PHF8: variants seen among roughly 807,000 people sequenced by gnomAD.
PHF8 encodes PHD finger protein 8, also known as histone lysine demethylase PHF8.
A neutral mutation model predicts 74.4 loss-of-function variants in PHF8; 9 were observed. That is an observed-to-expected ratio of 0.12 (90% CI 0.07 to 0.21). The LOEUF (loss-of-function observed/expected upper bound fraction) is 0.21, where lower values mean the gene tolerates loss of function less well. Among genes scored for constraint, PHF8 ranks in the 10% least tolerant of loss-of-function variants. PHF8 has a pLI of 1.00. For missense variants in PHF8, 478 were observed against 816.6 expected (o/e 0.59, Z 5.05); for synonymous variants, 311 against 316.6 (o/e 0.98, Z 0.19).
At chrX:53,974,790 C>T (rs1400068703) in intron 18 of PHF8, among the ~76,000 whole-genome samples, 5 of 112,010 alleles carry the variant, frequency 4.5e-5, no homozygotes, top group African/African-American at 1.6e-4. Context: ...CTGTTATTCT[C>T]AGCAAACTAA....
intron 21 of PHF8, among the ~76,000 whole-genome samples, chrX:53,939,560 T>C (rs782544031): frequency 9.0e-6 from 1 of 111,456 alleles, no homozygotes; most frequent in Non-Finnish European, 1.9e-5. Context: ...TGTACTTCCA[T>C]ACCCTCTTAT....
chrX:54,040,455 CAG>C (rs1200500853), intron 2 of PHF8, among the ~76,000 whole-genome samples: 3 of 112,029 alleles, frequency 2.7e-5, no homozygotes, highest in African/African-American at 9.7e-5. Context: ...ACGAATGACA[CAG>C]ATATATTTAT....
chrX:53,964,328 C>A (rs781966402), intron 18 of PHF8, among the ~76,000 whole-genome samples: 2 of 110,236 alleles, frequency 1.8e-5, no homozygotes, highest in Non-Finnish European at 3.8e-5. Flanking sequence ...CACATGTATA[C>A]CTATGTAACA....
At chrX:53,955,557 CTTTTT>C (rs369969712) in intron 19 of PHF8, among the ~76,000 whole-genome samples, 12 of 72,994 alleles carry the variant, frequency 1.6e-4, no homozygotes, top group Non-Finnish European at 2.7e-4. Context: ...CTCTTCTTTT[CTTTTT>C]TTTTTTTTTT....
At chrX:53,993,045 T>C (rs2065691975) in intron 13 of PHF8, 1 of 426,976 alleles carries the variant, frequency 2.3e-6, no homozygotes, top group Non-Finnish European at 4.1e-6. Context: ...CCTGTCAATC[T>C]TGTGAACCAT....
At chrX:53,996,426 T>C (rs2065749541) in intron 11 of PHF8, among the ~76,000 whole-genome samples, 1 of 109,116 alleles carries the variant, frequency 9.2e-6, no homozygotes, top group Non-Finnish European at 1.9e-5. Flanking sequence ...TGATATTTTT[T>C]GTAATTTTTT....
At chrX:53,998,452 T>C (rs2065781349) in intron 11 of PHF8, among the ~76,000 whole-genome samples, 1 of 109,723 alleles carries the variant, frequency 9.1e-6, no homozygotes, top group Admixed American at 9.8e-5. Flanking sequence ...AGGTTCTGTC[T>C]CATAAATAAA....
At chrX:53,993,932 T>C (rs889718047) in intron 12 of PHF8, 29 bp from the exon 13 acceptor site, 1 of 1,079,845 alleles carries the variant, frequency 9.3e-7, no homozygotes. Flanking sequence ...ATGAGGGGGT[T>C]AGAGCTTACT....
At chrX:53,996,277 C>T (rs943649032) in intron 11 of PHF8, among the ~76,000 whole-genome samples, 8 of 110,271 alleles carry the variant, frequency 7.3e-5, no homozygotes, top group African/African-American at 2.6e-4. Context: ...CTACGCCCAG[C>T]TAATTTTTTG....
rs782729002 is a variant in PHF8 at position 53,944,221 on chromosome X, C to T, written c.2562G>A (p.Pro854=). 22 of 1,208,617 alleles carry T rather than the reference C, an allele frequency of 1.8e-5. No individual in the cohort carries two copies. Among genetic ancestry groups the T allele is most frequent in the Admixed American group, 2.2e-5 (1 of 46,030 alleles). The change falls in exon 20 of 22, where the codon CCG becomes CCA. Residue 854 remains proline, a synonymous_variant. Transcript: ENST00000338154. ...CCTCACGCACAGGACGGTCCTGCTT[C>T]GGCAGAGTTGGGGTCACGCGGGCTG... is the stretch of plus-strand genomic sequence containing the variant. ...SPKARVTPTL[P]KQDRPVREGT...
At chrX:53,951,694 C>T (rs143514075) in intron 19 of PHF8, among the ~76,000 whole-genome samples, 288 of 109,928 alleles carry the variant, frequency 2.6e-3, no homozygotes, top group African/African-American at 8.8e-3. Context: ...CCTCGTGATC[C>T]GCCCGCCTCG....
At chrX:54,038,505 G>A (rs782665233) in intron 2 of PHF8, among the ~76,000 whole-genome samples, 204 of 111,821 alleles carry the variant, frequency 1.8e-3, no homozygotes, top group African/African-American at 6.2e-3. Context: ...TGTAGCTAGG[G>A]CATCCCTAAC....
Position 54,017,819 on chromosome X carries a change from G to A in PHF8, c.296C>T (p.Ser99Leu). Reference protein sequence around the residue: ...RELRSRTFDSSDEVILKPTGN... With the variant: ...RELRSRTFDSLDEVILKPTGN... Reference sequence around the variant, plus strand: ...AGTGGGCTTCAGAATCACTTCATCTGAGCTGTGGGCCGCAGGAGAGAAAGC... The same window carrying A: ...AGTGGGCTTCAGAATCACTTCATCTAAGCTGTGGGCCGCAGGAGAGAAAGC... The change falls in exon 5 of 22, where the codon TCA (serine) becomes TTA (leucine). Residue 99 changes from serine (S) to leucine (L), a missense_variant and splice_region_variant. Physicochemically the swap from Ser to Leu is moderately radical, Grantham distance 145. Transcript: ENST00000338154. 1 of 1,210,337 alleles carries A rather than the reference G, an allele frequency of 8.3e-7. No individual in the cohort carries two copies.
At position 54,009,922 on chromosome X, in the gene PHF8, G is replaced by A. The variant is rs187034279; in HGVS notation, c.946+1200C>T. On this transcript the variant is annotated intron_variant, in intron 8 of 21. Coordinates refer to ENST00000338154, the MANE Select transcript of PHF8 (RefSeq NM_015107.3). ...GATCAATAAAATTGACCAACCTATA[G>A]AAAATTGACACAAACAAAAGAGAAA... 7.4e-3 allele frequency among the ~76,000 whole-genome samples: 537 copies of A among 72,636 alleles called. 3 individuals are homozygous for A. Among genetic ancestry groups the A allele is most frequent in the African/African-American group, 0.025 (522 of 21,259 alleles). The allele number at this position is 72,636 out of a possible 115,157, so 63.1% of individuals were successfully genotyped here. A position where few individuals can be genotyped will look rare whatever the true frequency, so the allele number is the denominator to read the frequency against.
chrX:54,024,855 A>G (rs894718313), intron 2 of PHF8, among the ~76,000 whole-genome samples: 2 of 111,756 alleles, frequency 1.8e-5, no homozygotes, highest in African/African-American at 6.5e-5. Context: ...CTTTTGGTTC[A>G]TACCATTTTT....
In PHF8 at chrX:54,015,597, A is replaced by AG. The variant is rs1374745783; in HGVS notation, c.596+997_596+998insC. Among the ~76,000 whole-genome samples the AG allele has an allele frequency of 3.3e-3, 351 of 104,915 alleles. 4 individuals carry two copies. Among genetic ancestry groups the AG allele is most frequent in the African/African-American group, 0.012 (336 of 28,856 alleles). The allele number at this position is 104,915 out of a possible 115,157, so 91.1% of individuals were successfully genotyped here. On this transcript the variant is annotated intron_variant, in intron 6 of 21. Coordinates refer to ENST00000338154, the MANE Select transcript of PHF8 (RefSeq NM_015107.3). ...TCTCAAAAAAAAAAAAAAAAAAAAAACACAACAGCAAGGGTCTTAATATTG... is the reference window on the plus strand; with the variant it reads ...TCTCAAAAAAAAAAAAAAAAAAAAAAGCACAACAGCAAGGGTCTTAATATTG...
chrX:54,017,267 G>A (rs1259831643), intron 5 of PHF8, among the ~76,000 whole-genome samples: 1 of 112,504 alleles, frequency 8.9e-6, no homozygotes, highest in Admixed American at 9.4e-5. Flanking sequence ...GCAACATAGT[G>A]TGACATCATC....
chrX:53,942,895 C>A, intron 20 of PHF8: 1 of 753,396 alleles, frequency 1.3e-6, no homozygotes, highest in Non-Finnish European at 1.6e-6. Context: ...GCATGAGGGG[C>A]TGGAAGGAGG....
intron 7 of PHF8, among the ~76,000 whole-genome samples, chrX:54,012,896 T>C (rs1603336788): frequency 1.0e-5 from 1 of 99,652 alleles, no homozygotes; most frequent in African/African-American, 3.8e-5. Context: ...GCCATGATCA[T>C]GCCACTGCAC....
Sources: allele counts gnomAD v4.1 joint callset (sites outside exome capture counted in the v4.1 genomes callset), GRCh38; gene constraint gnomAD v4.1.1; transcripts MANE v1.5; gene names NCBI Gene and HGNC (gene_info 2026-07-23, HGNC 2026-07-21).